The following TSPAN18 variants were observed in gnomAD, a reference collection of about 807,000 sequenced individuals.
TSPAN18 encodes the protein tetraspanin 18, also known as tetraspanin-18.
Under a neutral mutation model 27.3 loss-of-function variants are expected in TSPAN18, and 14 were observed. That is an observed-to-expected ratio of 0.51 (90% confidence interval 0.34 to 0.80). The LOEUF is 0.80. Ranked by LOEUF, TSPAN18 falls within the 30% of genes least tolerant of loss-of-function variation. The pLI, the probability that TSPAN18 is intolerant of heterozygous loss-of-function variation, is 0.01. For synonymous variants in TSPAN18, 143 were observed against 136.5 expected (o/e 1.05, Z -0.33); for missense variants, 268 against 323.9 (o/e 0.83, Z 1.32).
intron 1 of TSPAN18, among the ~76,000 whole-genome samples, chr11:44,757,714 C>T (rs1855364257): frequency 6.6e-6 from 1 of 152,126 alleles, no homozygotes. Flanking sequence ...TTTGCATTTC[C>T]TAATGTTTAG....
chr11:44,909,828 G>T lies in TSPAN18; in HGVS notation c.187G>T (p.Gly63Cys), dbSNP rs747575703. The T allele has an allele frequency of 1.2e-5, 20 of 1,613,938 alleles. No individual in the cohort carries two copies. The Admixed American group carries it at 3.2e-4, about 26-fold the overall frequency. Residue 63 changes from glycine (G) to cysteine (C), a missense_variant, in exon 5 of 10, where the codon GGC becomes TGC. Transcript: ENST00000520358. ...TGAYILLAMG[G>C]LLFLLGFLGC... Reference sequence around the variant, plus strand: ...CGCCTACATCCTCCTGGCCATGGGGGGCCTGCTCTTTCTGCTCGGCTTCCT... The same window carrying T: ...CGCCTACATCCTCCTGGCCATGGGGTGCCTGCTCTTTCTGCTCGGCTTCCT...
At position 44,897,956 on chromosome 11, in the gene TSPAN18, C is replaced by T. The variant is rs1859123492; in HGVS notation, c.-10-8451C>T. The T allele has an allele frequency of 3.5e-5, 33 of 947,544 alleles. 4 individuals carry two copies. The South Asian group carries it at 4.5e-4, about 13-fold the overall frequency. The allele number at this position is 947,544 out of a possible 1,614,324, so 58.7% of individuals were successfully genotyped here. A position where few individuals can be genotyped will look rare whatever the true frequency, so the allele number is the denominator to read the frequency against. ...TCTGTGTCTCCTTCGGTCTTTCCCT[C>T]TCTTTCTGACTTGGCTTTGTGTATT... is the stretch of plus-strand genomic sequence containing the variant. On this transcript the variant is annotated intron_variant, in intron 3 of 9. Coordinates refer to ENST00000520358, the MANE Select transcript of TSPAN18 (RefSeq NM_130783.5).
intron 2 of TSPAN18, among the ~76,000 whole-genome samples, chr11:44,844,910 T>C (rs891477355): frequency 1.3e-5 from 2 of 152,180 alleles, no homozygotes; most frequent in Admixed American, 6.5e-5. Flanking sequence ...TCACCACTCA[T>C]TGAGGCAGGA....
intron 1 of TSPAN18, among the ~76,000 whole-genome samples, chr11:44,759,261 A>G (rs1159544975): frequency 6.6e-6 from 1 of 152,212 alleles, no homozygotes; most frequent in Non-Finnish European, 1.5e-5. Flanking sequence ...CCAAGACAAG[A>G]GGCAGCTCTG....
At chr11:44,814,793 TG>T (rs1267513345) in intron 2 of TSPAN18, among the ~76,000 whole-genome samples, 2 of 152,158 alleles carry the variant, frequency 1.3e-5, no homozygotes, top group South Asian at 2.1e-4. Flanking sequence ...TACTGCCTAC[TG>T]GGTTTAAAGT....
intron 2 of TSPAN18, among the ~76,000 whole-genome samples, chr11:44,799,362 T>C (rs1360288955): frequency 1.3e-5 from 2 of 152,172 alleles, no homozygotes; most frequent in Admixed American, 1.3e-4. Context: ...TATACCTTGG[T>C]CCAAACGACA....
intron 6 of TSPAN18, 21 bp from the exon 7 acceptor site, chr11:44,919,193 A>G (rs762766889): frequency 2.5e-6 from 4 of 1,607,636 alleles, no homozygotes; most frequent in Admixed American, 1.7e-5. Context: ...GCCTAAGCCC[A>G]TCTTCTCCCT....
rs1282575599 is a variant in TSPAN18, at chr11:44,860,326, A to T, written c.-152-2A>T. 6.6e-6 allele frequency: 1 copy of T among 152,146 alleles called. No individual in the cohort carries two copies. The highest frequency in any genetic ancestry group is 1.9e-4 in the East Asian group (1 of 5,172). 9.4% of individuals were successfully genotyped at this position (152,146 alleles called of 1,614,324 possible). ...ACGGCTGCTTCTGCTTCCCTCTCAC[A>T]GGTGAGCATCTCCTGGACCACCCTC... On this transcript the variant is annotated splice_acceptor_variant, in intron 2 of 9. Transcript: ENST00000520358. LOFTEE classifies it low-confidence loss of function (5UTR_SPLICE).
Position 44,813,805 on chromosome 11 carries a change from T to C in TSPAN18, c.-152-46523T>C, listed in dbSNP as rs544921924. On this transcript the variant is annotated intron_variant, in intron 2 of 9. Coordinates refer to ENST00000520358, the MANE Select transcript of TSPAN18 (RefSeq NM_130783.5). ...AGTGCATAGACCAGAGGGCAGACTATCACAGAGGGCTGAGCTGAGCAGCAC... is the reference window on the plus strand; with the variant it reads ...AGTGCATAGACCAGAGGGCAGACTACCACAGAGGGCTGAGCTGAGCAGCAC... Among the ~76,000 whole-genome samples, 4 of 152,290 alleles carry C rather than the reference T, an allele frequency of 2.6e-5. No homozygotes were observed. The East Asian group carries it at 7.7e-4, about 29-fold the overall frequency.
chr11:44,742,560 G>A (rs888133123), intron 1 of TSPAN18, among the ~76,000 whole-genome samples: 1 of 152,102 alleles, frequency 6.6e-6, no homozygotes, highest in Non-Finnish European at 1.5e-5. Context: ...GGCCATACCC[G>A]CCATAGGAGC....
At chr11:44,746,296 A>G (rs1207599502) in intron 1 of TSPAN18, among the ~76,000 whole-genome samples, 2 of 152,084 alleles carry the variant, frequency 1.3e-5, no homozygotes, top group Non-Finnish European at 2.9e-5. Context: ...GTCTTTGCAG[A>G]TGAGTGTTGG....
intron 2 of TSPAN18, among the ~76,000 whole-genome samples, chr11:44,800,142 C>T (rs925105853): frequency 1.3e-5 from 2 of 151,814 alleles, no homozygotes; most frequent in African/African-American, 4.8e-5. Flanking sequence ...CAGGTGTGAG[C>T]CACTGCGCCC....
intron 1 of TSPAN18, among the ~76,000 whole-genome samples, chr11:44,745,949 C>T (rs1855064735): frequency 6.6e-6 from 1 of 152,228 alleles, no homozygotes; most frequent in Non-Finnish European, 1.5e-5. Context: ...ATGGCCTGAA[C>T]CCGGGAGGCA....
chr11:44,828,576 C>T (rs1026774788), intron 2 of TSPAN18, among the ~76,000 whole-genome samples: 4 of 152,200 alleles, frequency 2.6e-5, no homozygotes, highest in Admixed American at 1.3e-4. Flanking sequence ...GCTTCTGTGG[C>T]TTCATCTGCC....
chr11:44,824,603 G>A (rs1213009941), intron 2 of TSPAN18, among the ~76,000 whole-genome samples: 2 of 152,244 alleles, frequency 1.3e-5, no homozygotes, highest in Non-Finnish European at 2.9e-5. Context: ...CAGGACAATG[G>A]GAGGAAGGAG....
rs866187323 is a variant in TSPAN18 at position 44,902,466 on chromosome 11, C to G, written c.-10-3941C>G. ...GGAAATGGTATCCTGGGGGACCGTTCTGTAGGAAGAGAGCCTGGGCTTGGT... is the reference window on the plus strand; with the variant it reads ...GGAAATGGTATCCTGGGGGACCGTTGTGTAGGAAGAGAGCCTGGGCTTGGT... On this transcript the variant is annotated intron_variant, in intron 3 of 9. Coordinates refer to ENST00000520358, the MANE Select transcript of TSPAN18 (RefSeq NM_130783.5). Among the ~76,000 whole-genome samples, 8 of 152,300 alleles carry G rather than the reference C, an allele frequency of 5.3e-5. No individual in the cohort carries two copies. The South Asian group carries it at 1.4e-3, about 28-fold the overall frequency.
intron 2 of TSPAN18, among the ~76,000 whole-genome samples, chr11:44,808,724 T>C (rs969322417): frequency 6.6e-6 from 1 of 152,302 alleles, no homozygotes; most frequent in East Asian, 1.9e-4. Flanking sequence ...TCTTGGAAAT[T>C]GATATTCTCA....
intron 2 of TSPAN18, among the ~76,000 whole-genome samples, chr11:44,764,803 G>A (rs1162207444): frequency 1.3e-5 from 2 of 152,124 alleles, no homozygotes; most frequent in Non-Finnish European, 2.9e-5. Context: ...GGGGCTCCAG[G>A]CAGGGTCATG....
At chr11:44,769,514 T>G (rs1246268657) in intron 2 of TSPAN18, among the ~76,000 whole-genome samples, 1 of 152,214 alleles carries the variant, frequency 6.6e-6, no homozygotes, top group Non-Finnish European at 1.5e-5. Context: ...ACCAGTGAAC[T>G]CACCTGGGCC....
Sources: gnomAD v4.1 joint callset for allele counts (sites outside exome capture counted in the v4.1 genomes callset) on GRCh38, gnomAD v4.1.1 for gene constraint, MANE v1.5 for transcripts, NCBI Gene and HGNC (gene_info 2026-07-23, HGNC 2026-07-21) for gene names.